Variants in MGAM observed in about 807,000 individuals in gnomAD.
The protein encoded by MGAM is alpha-1,4-glucosidase.
MGAM carries 253 observed loss-of-function variants against 358.8 expected under a neutral mutation model. The observed-to-expected ratio is 0.71, with a 90% confidence interval of 0.64 to 0.78. MGAM has a LOEUF of 0.78. MGAM is among the 30% of genes least tolerant of loss of function. The pLI is 0.00. For missense variants in MGAM, 3,080 were observed against 3,432.6 expected, an observed-to-expected ratio of 0.90 and a Z score of 2.57; for synonymous variants, 1,105 against 1,227.1, an observed-to-expected ratio of 0.90 and a Z score of 2.08.
rs528757303 is a variant in MGAM, at chr7:142,068,288, C to T, written c.5005-359C>T. Reference sequence around the variant, plus strand: ...CTGGGATTACAGGCATGAGCCATCGCGCCCGGCCCCAAAATCTCATTATAC... The same window carrying T: ...CTGGGATTACAGGCATGAGCCATCGTGCCCGGCCCCAAAATCTCATTATAC... On this transcript the variant is annotated intron_variant, in intron 42 of 70. Coordinates refer to ENST00000475668, the MANE Select transcript of MGAM (RefSeq NM_001365693.1). 1.5e-4 allele frequency among the ~76,000 whole-genome samples: 21 copies of T among 142,490 alleles called. 1 individual carries two copies. Among genetic ancestry groups the T allele is most frequent in the African/African-American group, 4.4e-4 (18 of 40,788 alleles). The allele number at this position is 142,490 out of a possible 152,430, so 93.5% of individuals were successfully genotyped here.
At chr7:142,103,109 G>A (rs1396956943) in intron 69 of MGAM, among the ~76,000 whole-genome samples, 160 bp from the exon 70 acceptor site, 1 of 152,170 alleles carries the variant, frequency 6.6e-6, no homozygotes, top group Non-Finnish European at 1.5e-5. Flanking sequence ...GTTGGCAATA[G>A]GCCATAGAGT....
At chr7:141,999,454 AT>A (rs1437391356) in intron 1 of MGAM, among the ~76,000 whole-genome samples, 6 of 152,198 alleles carry the variant, frequency 3.9e-5, no homozygotes, top group African/African-American at 1.4e-4. Flanking sequence ...AGGTGTTCAA[AT>A]TGTGGCTTTG....
intron 1 of MGAM, among the ~76,000 whole-genome samples, chr7:142,004,994 A>T (rs1348867664): frequency 6.6e-6 from 1 of 152,104 alleles, no homozygotes; most frequent in African/African-American, 2.4e-5. Flanking sequence ...GGGTAGAGAA[A>T]CATGTTAGCA....
chr7:142,027,876 G>T, intron 10 of MGAM, 141 bp downstream of exon 10: 3 of 879,334 alleles, frequency 3.4e-6, no homozygotes, highest in Non-Finnish European at 4.4e-6. Context: ...CAGAATACTA[G>T]ACATTTTTTT....
At position 142,087,161 on chromosome 7, in the gene MGAM, CT is replaced by C. The variant is rs199877782; in HGVS notation, c.6810+454del. Among the ~76,000 whole-genome samples, 30 of 141,204 alleles carry C rather than the reference CT, an allele frequency of 2.1e-4. 2 individuals carry two copies. Among genetic ancestry groups the C allele is most frequent in the African/African-American group, 6.2e-4 (25 of 40,294 alleles). 92.6% of individuals were successfully genotyped at this position (141,204 alleles called of 152,430 possible). On this transcript the variant is annotated intron_variant, in intron 57 of 70. Coordinates refer to ENST00000475668, the MANE Select transcript of MGAM (RefSeq NM_001365693.1). ...CTGTTTAGGTCTTTTTTTGGTGTAT[CT>C]TTTTTTTTTCCATGAACACGTTTCT...
chr7:142,001,194 T>C (rs1804705802), intron 1 of MGAM, among the ~76,000 whole-genome samples: 1 of 152,190 alleles, frequency 6.6e-6, no homozygotes, highest in Admixed American at 6.5e-5. Flanking sequence ...AAGACTAGAA[T>C]TGGAGTAATT....
chr7:141,986,838 C>A (rs1554446305), intron 2 of MGAM, among the ~76,000 whole-genome samples: 1 of 152,060 alleles, frequency 6.6e-6, no homozygotes, highest in Non-Finnish European at 1.5e-5. Context: ...CACCACATAC[C>A]TCCTAGGGTA....
At chr7:142,098,224 G>T (rs111589124) in intron 66 of MGAM, among the ~76,000 whole-genome samples, 12 of 5,352 alleles carry the variant, frequency 2.2e-3, no homozygotes, top group African/African-American at 2.1e-3. Context: ...AGGAAGCAAT[G>T]AAGAGCTCCT....
intron 3 of MGAM, among the ~76,000 whole-genome samples, chr7:142,013,375 T>C (rs1237068490): frequency 6.6e-6 from 1 of 152,180 alleles, no homozygotes; most frequent in Non-Finnish European, 1.5e-5. Flanking sequence ...TCTGGGATCA[T>C]GTCCTTTTAA....
At chr7:141,986,671 G>T (rs1468206576) in intron 2 of MGAM, among the ~76,000 whole-genome samples, 1 of 152,168 alleles carries the variant, frequency 6.6e-6, no homozygotes, top group African/African-American at 2.4e-5. Context: ...TTTAGTGTTT[G>T]ATGTTGAAAA....
At chr7:142,061,765 C>G (rs1812227377) in intron 34 of MGAM, among the ~76,000 whole-genome samples, 4 of 152,170 alleles carry the variant, frequency 2.6e-5, no homozygotes, top group Admixed American at 2.6e-4. Flanking sequence ...AATTGAAGGA[C>G]ATTTACTTGC....
intron 2 of MGAM, among the ~76,000 whole-genome samples, chr7:141,986,822 A>G (rs887490476): frequency 6.6e-6 from 1 of 152,182 alleles, no homozygotes; most frequent in African/African-American, 2.4e-5. Flanking sequence ...GACCCTCTCA[A>G]TATGCCACCA....
chr7:142,049,631 G>A (rs1360239812), intron 22 of MGAM, among the ~76,000 whole-genome samples: 1 of 152,114 alleles, frequency 6.6e-6, no homozygotes, highest in African/African-American at 2.4e-5. Flanking sequence ...TTAAAAAGTG[G>A]GTGAAGGACC....
chr7:141,990,662 T>C (rs1803906301), intron 2 of MGAM, among the ~76,000 whole-genome samples: 1 of 152,092 alleles, frequency 6.6e-6, no homozygotes, highest in Non-Finnish European at 1.5e-5. Flanking sequence ...ATTTCTTTTT[T>C]TTTATGTTTT....
At chr7:142,060,425 A>G in intron 34 of MGAM, 52 bp downstream of exon 34, 2 of 1,591,850 alleles carry the variant, frequency 1.3e-6, no homozygotes, top group East Asian at 2.2e-5. Context: ...AGGCAGGGGC[A>G]GCTGTTCCTG....
chr7:142,049,194 T>A (rs1345956591), intron 22 of MGAM, among the ~76,000 whole-genome samples: 1 of 152,162 alleles, frequency 6.6e-6, no homozygotes, highest in African/African-American at 2.4e-5. Flanking sequence ...AGAATTTTCT[T>A]CTTTTTATGT....
chr7:142,027,022 A>T, intron 8 of MGAM, 93 bp from the exon 9 acceptor site: 1 of 963,404 alleles, frequency 1.0e-6, no homozygotes. Flanking sequence ...GTTAATGTTC[A>T]CATGGTTAGT....
intron 22 of MGAM, among the ~76,000 whole-genome samples, chr7:142,049,410 A>C (rs1810721160): frequency 6.6e-6 from 1 of 152,198 alleles, no homozygotes; most frequent in Non-Finnish European, 1.5e-5. Flanking sequence ...TTTGGATATG[A>C]TACCAAAAGC....
chr7:142,041,485 A>C (rs116729748), intron 21 of MGAM, among the ~76,000 whole-genome samples: 2,234 of 152,118 alleles, frequency 0.015, 57 homozygotes, highest in South Asian at 0.087. Flanking sequence ...GTTCACCTTC[A>C]AGCTGTTCTG....
Sources: gnomAD v4.1 joint callset for allele counts (sites outside exome capture counted in the v4.1 genomes callset) on GRCh38, gnomAD v4.1.1 for gene constraint, MANE v1.5 for transcripts, NCBI Gene and HGNC (gene_info 2026-07-23, HGNC 2026-07-21) for gene names.